PCDHA11: variants seen among roughly 807,000 people sequenced by gnomAD.
The protein encoded by PCDHA11 is protocadherin alpha 11.
Under a neutral mutation model 70.3 loss-of-function variants are expected in PCDHA11, and 61 were observed. The ratio of observed to expected loss-of-function variants is 0.87; its 90% CI spans 0.71 to 1.07. The LOEUF is 1.07. PCDHA11 is among the 50% of genes least tolerant of loss of function. The pLI is 0.00. For missense variants in PCDHA11, 1,324 were observed against 1,237.5 expected, an observed-to-expected ratio of 1.07 and a Z score of -1.05; for synonymous variants, 633 against 555.1, an observed-to-expected ratio of 1.14 and a Z score of -1.97.
chr5:140,871,260 G>A lies in PCDHA11; in HGVS notation c.2157G>A (p.Ala719=). 1.9e-6 allele frequency: 3 copies of A among 1,613,980 alleles called. No individual in the cohort carries two copies. The highest frequency in any genetic ancestry group is 1.1e-5 in the South Asian group (1 of 91,088). ...LLVLTLLLYT[A]LWWSATPTEG... Reference sequence around the variant, plus strand: ...TACTCACGCTGCTGCTGTATACGGCGCTGTGGTGGTCGGCAACGCCCACTG... The same window carrying A: ...TACTCACGCTGCTGCTGTATACGGCACTGTGGTGGTCGGCAACGCCCACTG... Residue 719 remains alanine, a synonymous_variant, in exon 1 of 4, where the codon GCG becomes GCA. Transcript: ENST00000398640.
intron 1 of PCDHA11, chr5:140,882,487 C>G: frequency 6.2e-7 from 1 of 1,614,054 alleles, no homozygotes; most frequent in Non-Finnish European, 8.5e-7. Flanking sequence ...GACACGGGGA[C>G]CTTCTGGAGG....
intron 1 of PCDHA11, chr5:140,968,814 G>A: frequency 1.5e-5 from 24 of 1,614,232 alleles, no homozygotes; most frequent in Non-Finnish European, 1.9e-5. Context: ...GTGGTGGATA[G>A]GGTTTCCAAA....
chr5:140,967,279 T>C, intron 1 of PCDHA11: 1 of 1,613,002 alleles, frequency 6.2e-7, no homozygotes, highest in South Asian at 1.1e-5. Context: ...ACATAGAGAG[T>C]GCGCAGGACC....
At chr5:140,929,298 A>G (rs1554206937) in intron 1 of PCDHA11, 26 of 1,591,722 alleles carry the variant, frequency 1.6e-5, no homozygotes, top group Non-Finnish European at 2.1e-5. Context: ...GGAATAGGAA[A>G]GGGGATCACG....
intron 1 of PCDHA11, chr5:140,877,741 A>C: frequency 6.2e-7 from 1 of 1,614,182 alleles, no homozygotes; most frequent in Non-Finnish European, 8.5e-7. Context: ...GAGGAGGCAG[A>C]GGGTGTGCTC....
At position 140,895,475 on chromosome 5, in the gene PCDHA11, G is replaced by A. The variant is rs532993154; in HGVS notation, c.2391+23981G>A. Among the ~76,000 whole-genome samples the A allele has an allele frequency of 2.0e-4, 31 of 152,002 alleles. No individual in the cohort carries two copies. The South Asian group carries it at 5.0e-3, about 24-fold the overall frequency. On this transcript the variant is annotated intron_variant, in intron 1 of 3. Coordinates refer to ENST00000398640, the MANE Select transcript of PCDHA11 (RefSeq NM_018902.5). ...TATTGGTCATTTCTTTATCCTCTTC[G>A]GAGAAATACCTATTCAGAACTTTTG...
chr5:140,881,886 C>G (rs2058857922), intron 1 of PCDHA11, among the ~76,000 whole-genome samples: 1 of 152,170 alleles, frequency 6.6e-6, no homozygotes, highest in African/African-American at 2.4e-5. Flanking sequence ...AACTCATCAA[C>G]CAATTGTCAG....
At chr5:140,930,814 T>A (rs1554208117) in intron 1 of PCDHA11, among the ~76,000 whole-genome samples, 1 of 152,210 alleles carries the variant, frequency 6.6e-6, no homozygotes, top group Non-Finnish European at 1.5e-5. Flanking sequence ...AAGATATGCT[T>A]AGTAAATGCT....
Position 140,870,063 on chromosome 5 carries a change from G to A in PCDHA11, c.960G>A (p.Gln320=). ...EENKFYKIEV[Q]ATDKGTPPMA... ...ACAAGTTTTATAAAATTGAAGTACA[G>A]GCTACAGATAAGGGGACTCCCCCAA... Residue 320 remains glutamine (Q), a synonymous_variant, in exon 1 of 4, where the codon CAG becomes CAA. Transcript: ENST00000398640. 1.9e-6 allele frequency: 3 copies of A among 1,613,854 alleles called. No homozygotes were observed. The East Asian group carries it at 6.7e-5, about 36-fold the overall frequency.
chr5:140,961,037 A>C (rs1222978592), intron 1 of PCDHA11, among the ~76,000 whole-genome samples: 2 of 152,188 alleles, frequency 1.3e-5, no homozygotes, highest in African/African-American at 4.8e-5. Flanking sequence ...CCTTGTTTTG[A>C]GTCATTAACA....
intron 1 of PCDHA11, among the ~76,000 whole-genome samples, chr5:140,975,953 T>A (rs1554237158): frequency 6.6e-6 from 1 of 152,084 alleles, no homozygotes; most frequent in Non-Finnish European, 1.5e-5. Context: ...CATATTAGAG[T>A]TCTTCACCAA....
Position 140,925,039 on chromosome 5 carries a change from A to C in PCDHA11, c.2391+53545A>C, listed in dbSNP as rs554229960. ...GATGGGAGGATCGCTTGAGCCCAGA[A>C]GTTTGAGACCAGACTGGGCAACAAA... On this transcript the variant is annotated intron_variant, in intron 1 of 3. Coordinates refer to ENST00000398640, the MANE Select transcript of PCDHA11 (RefSeq NM_018902.5). Among the ~76,000 whole-genome samples the C allele has an allele frequency of 1.1e-4, 16 of 152,028 alleles. 1 individual carries two copies. The highest frequency in any genetic ancestry group is 1.6e-4 in the Non-Finnish European group (11 of 67,960).
At chr5:140,956,297 G>A (rs1449094533) in intron 1 of PCDHA11, among the ~76,000 whole-genome samples, 1 of 151,928 alleles carries the variant, frequency 6.6e-6, no homozygotes, top group African/African-American at 2.4e-5. Context: ...TCATATATAT[G>A]GCTCTTATTA....
chr5:140,891,767 A>C (rs1350557618), intron 1 of PCDHA11, among the ~76,000 whole-genome samples: 2 of 152,156 alleles, frequency 1.3e-5, no homozygotes, highest in African/African-American at 2.4e-5. Context: ...GAGGTGGGGA[A>C]TTTCAGGAAA....
intron 1 of PCDHA11, among the ~76,000 whole-genome samples, chr5:140,922,354 A>G (rs1208856231): frequency 6.6e-6 from 1 of 152,220 alleles, no homozygotes; most frequent in Non-Finnish European, 1.5e-5. Flanking sequence ...TTTCTAGAGT[A>G]GTGATTCTCA....
chr5:141,005,034 T>C (rs1435712039), intron 3 of PCDHA11, among the ~76,000 whole-genome samples: 1 of 152,222 alleles, frequency 6.6e-6, no homozygotes, highest in Non-Finnish European at 1.5e-5. Flanking sequence ...ATTGCCCATA[T>C]GTGATACCAT....
intron 1 of PCDHA11, among the ~76,000 whole-genome samples, chr5:140,942,069 A>G (rs1384507706): frequency 1.3e-5 from 2 of 152,234 alleles, no homozygotes; most frequent in Non-Finnish European, 2.9e-5. Flanking sequence ...TAATTGAGCC[A>G]AGAGAGCACA....
At chr5:140,926,864 T>C in intron 1 of PCDHA11, 1 of 1,522,480 alleles carries the variant, frequency 6.6e-7, no homozygotes, top group South Asian at 1.3e-5. Flanking sequence ...GTGTAGCGTG[T>C]TGGTGGAACG....
chr5:140,971,857 T>G (rs1312639660), intron 1 of PCDHA11, among the ~76,000 whole-genome samples: 12 of 152,198 alleles, frequency 7.9e-5, no homozygotes, highest in African/African-American at 2.9e-4. Flanking sequence ...TAAATATTTG[T>G]TAACATCTAG....
Sources: allele counts gnomAD v4.1 joint callset (sites outside exome capture counted in the v4.1 genomes callset), GRCh38; gene constraint gnomAD v4.1.1; transcripts MANE v1.5; gene names NCBI Gene and HGNC (gene_info 2026-07-23, HGNC 2026-07-21).